RSF1: variants seen among roughly 807,000 people sequenced by gnomAD.
The protein encoded by RSF1 is remodeling and spacing factor 1, also known as HBV pX-associated protein 8.
In RSF1, 13 loss-of-function variants were observed where a neutral mutation model predicts 145.2. The observed-to-expected ratio is 0.09, with a 90% CI of 0.06 to 0.14. RSF1 has a LOEUF of 0.14. Among genes scored for constraint, RSF1 ranks in the 10% least tolerant of loss-of-function variants. RSF1 has a pLI of 1.00. For synonymous variants in RSF1, 577 were observed against 592.6 expected, an observed-to-expected ratio of 0.97 and a Z score of 0.38; for missense variants, 1,517 against 1,718.2, an observed-to-expected ratio of 0.88 and a Z score of 2.07.
intron 1 of RSF1, among the ~76,000 whole-genome samples, chr11:77,808,873 A>C (rs1948705257): frequency 6.6e-6 from 1 of 152,190 alleles, no homozygotes; most frequent in Admixed American, 6.5e-5. Context: ...CATGCTAATA[A>C]AATTAAAACT....
chr11:77,794,874 G>GA (rs1424428191), intron 1 of RSF1, among the ~76,000 whole-genome samples: 2 of 152,130 alleles, frequency 1.3e-5, no homozygotes, highest in Non-Finnish European at 2.9e-5. Context: ...GCAAGAGAAA[G>GA]AAAGGAAAGG....
intron 1 of RSF1, among the ~76,000 whole-genome samples, chr11:77,767,986 T>C (rs1208169199): frequency 2.0e-5 from 3 of 152,214 alleles, no homozygotes; most frequent in Admixed American, 2.0e-4. Context: ...TTACTTGATT[T>C]AAAAGAGTAC....
At chr11:77,808,797 T>C (rs1030482410) in intron 1 of RSF1, among the ~76,000 whole-genome samples, 2 of 104,372 alleles carry the variant, frequency 1.9e-5, no homozygotes, top group African/African-American at 4.8e-5. Context: ...CCTCCCAAAG[T>C]GCTGGGATTA....
At chr11:77,807,890 G>A (rs1948692600) in intron 1 of RSF1, among the ~76,000 whole-genome samples, 1 of 152,154 alleles carries the variant, frequency 6.6e-6, no homozygotes, top group Non-Finnish European at 1.5e-5. Flanking sequence ...AGGGTAAATG[G>A]AAGTCATGGC....
rs564410248 is a variant in RSF1, at chr11:77,686,408, C to CAAAAAA, written c.2901-1255_2901-1250dup. The stretch of plus-strand genomic sequence containing the variant: ...GGGCATCAAGAGTGAGACCCTGTCT[C>CAAAAAA]AAAAAAAAAAAAAAAAAAAAGCAGG... On this transcript the variant is annotated intron_variant, in intron 9 of 15. Transcript: ENST00000308488. Among the ~76,000 whole-genome samples, 128 of 37,094 alleles carry CAAAAAA rather than the reference C, an allele frequency of 3.5e-3. 17 individuals carry two copies. The highest frequency in any genetic ancestry group is 0.014 in the African/African-American group (118 of 8,204). 24.3% of individuals were successfully genotyped at this position (37,094 alleles called of 152,430 possible).
chr11:77,702,350 C>T lies in RSF1; in HGVS notation c.879G>A (p.Val293=). ...TTTCTGGCAAAGGTTTTTCTAGCTT[C>T]ACTATGACTGGCAGTTTCACAAGTT... The part of the protein sequence containing the change: ...EKELVKLPVI[V]KLEKPLPENE... Residue 293 remains valine (V), a synonymous_variant, in exon 6 of 16, where the codon GTG becomes GTA. Transcript: ENST00000308488. 1 of 1,612,004 alleles carries T rather than the reference C, an allele frequency of 6.2e-7. No homozygotes were observed. Among genetic ancestry groups the T allele is most frequent in the Non-Finnish European group, 8.5e-7 (1 of 1,179,568 alleles).
chr11:77,758,559 T>A (rs147641563), intron 2 of RSF1, among the ~76,000 whole-genome samples: 1 of 152,210 alleles, frequency 6.6e-6, no homozygotes, highest in Non-Finnish European at 1.5e-5. Flanking sequence ...TATTACACTC[T>A]CACGAAGAAT....
intron 1 of RSF1, among the ~76,000 whole-genome samples, chr11:77,765,592 A>G (rs984570939): frequency 2.6e-5 from 4 of 151,952 alleles, no homozygotes; most frequent in Admixed American, 2.0e-4. Context: ...TTCTGTTGGA[A>G]CCTTCAAATA....
chr11:77,734,868 G>T (rs1686242189), intron 4 of RSF1: 1 of 1,582,152 alleles, frequency 6.3e-7, no homozygotes, highest in African/African-American at 1.3e-5. Context: ...GAAAGTATTT[G>T]GCAAAGTTCT....
At chr11:77,683,207 C>T (rs1216566371) in intron 11 of RSF1, among the ~76,000 whole-genome samples, 1 of 152,268 alleles carries the variant, frequency 6.6e-6, no homozygotes, top group African/African-American at 2.4e-5. Context: ...ACGAGAATCG[C>T]TTGAACCCGA....
chr11:77,802,630 G>A (rs541496907), intron 1 of RSF1, among the ~76,000 whole-genome samples: 1 of 152,068 alleles, frequency 6.6e-6, no homozygotes, highest in South Asian at 2.1e-4. Context: ...TGCAATCTCC[G>A]CCTCCTGGGT....
the RSF1 span, chr11:77,866,458 T>C: frequency 1.3e-5 from 2 of 152,280 alleles, no homozygotes; most frequent in African/African-American, 4.8e-5. Flanking sequence ...CAAGCTCCAA[T>C]CCCATGGATC....
intron 1 of RSF1, among the ~76,000 whole-genome samples, chr11:77,806,717 A>C (rs1354214062): frequency 5.9e-5 from 9 of 151,992 alleles, no homozygotes; most frequent in Admixed American, 5.2e-4. Flanking sequence ...GAAATGAAAG[A>C]CCAAAGATGG....
chr11:77,849,781 C>T, the RSF1 span, among the ~76,000 whole-genome samples: 1 of 152,112 alleles, frequency 6.6e-6, no homozygotes. Context: ...TCCTCTGCAC[C>T]TTTGCTAAAA....
At position 77,666,165 on chromosome 11, in the gene RSF1, T is replaced by TA. The variant is rs1206879822; in HGVS notation, c.*751dup. On this transcript the variant is annotated 3_prime_UTR_variant, in exon 16 of 16. Transcript: ENST00000308488. Reference sequence around the variant, plus strand: ...TTATTACCACTGCATAAAGCTTATTTAAAAAAATTTGTTGCTAGCACAGTC... The same window carrying TA: ...TTATTACCACTGCATAAAGCTTATTTAAAAAAAATTTGTTGCTAGCACAGTC... 1.3e-5 allele frequency: 2 copies of TA among 152,134 alleles called. No individual in the cohort carries two copies. Among genetic ancestry groups the TA allele is most frequent in the African/African-American group, 4.8e-5 (2 of 41,438 alleles). The allele number at this position is 152,134 out of a possible 1,614,324, so 9.4% of individuals were successfully genotyped here.
chr11:77,838,691 A>T, the RSF1 span, among the ~76,000 whole-genome samples: 1 of 142,980 alleles, frequency 7.0e-6, no homozygotes, highest in Non-Finnish European at 1.5e-5. Context: ...ATCTGGGCTC[A>T]CTGTAAGCTC....
chr11:77,674,983 G>T, intron 14 of RSF1, 53 bp downstream of exon 14: 2 of 1,457,084 alleles, frequency 1.4e-6, no homozygotes, highest in South Asian at 1.3e-5. Flanking sequence ...TGAGCAACAA[G>T]AAAAACAAAA....
chr11:77,682,219 T>C (rs148008431), intron 11 of RSF1, among the ~76,000 whole-genome samples: 12 of 152,318 alleles, frequency 7.9e-5, no homozygotes, highest in African/African-American at 2.2e-4. Flanking sequence ...GATTCTACCA[T>C]ATTTTTATAA....
At chr11:77,714,743 G>A (rs1314605668) in intron 5 of RSF1, among the ~76,000 whole-genome samples, 2 of 152,142 alleles carry the variant, frequency 1.3e-5, no homozygotes, top group African/African-American at 2.4e-5. Flanking sequence ...TCAAGAGGCT[G>A]GGGTAGGAGG....
Sources: gnomAD v4.1 joint callset for allele counts (sites outside exome capture counted in the v4.1 genomes callset) on GRCh38, gnomAD v4.1.1 for gene constraint, MANE v1.5 for transcripts, NCBI Gene and HGNC (gene_info 2026-07-23, HGNC 2026-07-21) for gene names.